The following TBC1D5 variants were observed in gnomAD, a reference collection of about 807,000 sequenced individuals.
TBC1D5 encodes TBC1 domain family, member 5.
Under a neutral mutation model 100.3 loss-of-function variants are expected in TBC1D5, and 75 were observed. That is an observed-to-expected ratio of 0.75 (90% CI 0.62 to 0.91). The LOEUF is 0.91. TBC1D5 is among the 40% of genes least tolerant of loss of function. The pLI, the probability that TBC1D5 is intolerant of heterozygous loss-of-function variation, is 0.00. For synonymous variants in TBC1D5, 323 were observed against 325.6 expected (o/e 0.99, Z 0.09); for missense variants, 910 against 942.4 (o/e 0.97, Z 0.45).
intron 16 of TBC1D5, among the ~76,000 whole-genome samples, chr3:17,253,432 A>AT (rs530828603): frequency 1.1e-4 from 17 of 152,218 alleles, no homozygotes; most frequent in Non-Finnish European, 1.9e-4. Context: ...AAACAGTAAC[A>AT]TTGTCTCCTA....
At chr3:17,663,189 TTA>T (rs1187461219) in intron 1 of TBC1D5, 4 of 152,148 alleles carry the variant, frequency 2.6e-5, no homozygotes, top group Non-Finnish European at 2.9e-5. Flanking sequence ...AATTAAAACT[TTA>T]TTAGGTATTT....
intron 1 of TBC1D5, among the ~76,000 whole-genome samples, chr3:17,685,768 G>C (rs2070181907): frequency 6.6e-6 from 1 of 151,920 alleles, no homozygotes. Context: ...GGACACTCAA[G>C]ACATTCTTAA....
At chr3:17,580,689 G>A (rs2096688399) in intron 2 of TBC1D5, among the ~76,000 whole-genome samples, 1 of 151,972 alleles carries the variant, frequency 6.6e-6, no homozygotes, top group South Asian at 2.1e-4. Flanking sequence ...TCCCCCTTAA[G>A]CTGCCACCTG....
At position 17,705,353 on chromosome 3, in the gene TBC1D5, C is replaced by A. The variant is rs1211821583; in HGVS notation, c.-101+33990G>T. 1.6e-5 allele frequency among the ~76,000 whole-genome samples: 2 copies of A among 124,624 alleles called. 1 individual carries two copies. Among genetic ancestry groups the A allele is most frequent in the Non-Finnish European group, 3.5e-5 (2 of 56,698 alleles). The allele number at this position is 124,624 out of a possible 152,430, so 81.8% of individuals were successfully genotyped here. A position where few individuals can be genotyped will look rare whatever the true frequency, so the allele number is the denominator to read the frequency against. ...CTGGCCGGGCTGGGGGCTGACCCCC[C>A]CCCACCTCCCTCCCGGACGGGGTGG... On this transcript the variant is annotated intron_variant, in intron 1 of 21. Transcript: ENST00000253692.
intron 2 of TBC1D5, among the ~76,000 whole-genome samples, chr3:17,568,543 A>C (rs2096607087): frequency 6.6e-6 from 1 of 151,556 alleles, no homozygotes; most frequent in Non-Finnish European, 1.5e-5. Flanking sequence ...ACAAATATAT[A>C]AGTTGATTAT....
intron 13 of TBC1D5, among the ~76,000 whole-genome samples, chr3:17,366,128 AAAAATACAAAAAATTAGC>A (rs1369304007): frequency 1.3e-5 from 2 of 152,074 alleles, no homozygotes; most frequent in African/African-American, 4.8e-5. Flanking sequence ...TGTCTTTACC[AAAAATACAAAAAATTAGC>A]TGGGCATGGT....
At chr3:17,314,024 T>C (rs1397715617) in intron 13 of TBC1D5, among the ~76,000 whole-genome samples, 2 of 152,178 alleles carry the variant, frequency 1.3e-5, no homozygotes, top group African/African-American at 4.8e-5. Flanking sequence ...CCTGACCCTG[T>C]CTTGCAGCTC....
intron 1 of TBC1D5, among the ~76,000 whole-genome samples, chr3:17,732,720 A>AAAATAAATAAGTAAATAAATAAATAAAT (rs1553936806): frequency 6.9e-6 from 1 of 144,812 alleles, no homozygotes; most frequent in South Asian, 2.2e-4. Context: ...CCGTCTCAAA[A>AAAATAAATAAGTAAATAAATAAATAAAT]AAATAAATAA....
intron 21 of TBC1D5, 75 bp downstream of exon 22, chr3:17,166,692 A>G (rs907926315): frequency 1.3e-6 from 2 of 1,540,112 alleles, no homozygotes; most frequent in Middle Eastern, 3.5e-4. Context: ...GGTAGGGTGT[A>G]TTCTTAACTT....
intron 1 of TBC1D5, among the ~76,000 whole-genome samples, chr3:17,721,458 CATGT>C (rs1577786096): frequency 9.6e-6 from 1 of 104,024 alleles, no homozygotes; most frequent in Non-Finnish European, 2.0e-5. Context: ...TGTGTGAGAG[CATGT>C]GTGTGTGTGT....
chr3:17,541,611 A>G (rs2096358146), intron 2 of TBC1D5, among the ~76,000 whole-genome samples: 1 of 152,152 alleles, frequency 6.6e-6, no homozygotes, highest in Non-Finnish European at 1.5e-5. Context: ...GGTTTTTTAG[A>G]TGTAAGACTA....
chr3:17,706,270 C>G, intron 1 of TBC1D5: 1 of 1,547,498 alleles, frequency 6.5e-7, no homozygotes, highest in Non-Finnish European at 8.7e-7. Context: ...ACATACTCAG[C>G]TCTAAAGAGT....
At chr3:17,710,336 G>C (rs1330284828) in intron 1 of TBC1D5, among the ~76,000 whole-genome samples, 1 of 152,022 alleles carries the variant, frequency 6.6e-6, no homozygotes, top group Non-Finnish European at 1.5e-5. Context: ...TGGCGGAGGT[G>C]GGTGGTTCAC....
chr3:17,568,231 T>A (rs1391770776), intron 2 of TBC1D5, among the ~76,000 whole-genome samples: 1 of 151,470 alleles, frequency 6.6e-6, no homozygotes, highest in Non-Finnish European at 1.5e-5. Flanking sequence ...ACTACCAATT[T>A]ATATTTAGTA....
intron 1 of TBC1D5, chr3:17,705,985 T>TC (rs1332338162): frequency 3.7e-6 from 5 of 1,365,530 alleles, no homozygotes; most frequent in Middle Eastern, 5.4e-4. Context: ...TCTTTACTCT[T>TC]TTTTTTTTTT....
intron 18 of TBC1D5, among the ~76,000 whole-genome samples, chr3:17,199,540 G>C (rs2071184865): frequency 6.6e-6 from 1 of 152,180 alleles, no homozygotes; most frequent in Non-Finnish European, 1.5e-5. Flanking sequence ...TGGTTGCTTA[G>C]AATCCAACTG....
chr3:17,598,305 T>C (rs2060707797), intron 2 of TBC1D5, among the ~76,000 whole-genome samples: 1 of 152,202 alleles, frequency 6.6e-6, no homozygotes. Context: ...AAGACAAGTA[T>C]ATTTTATATT....
chr3:17,181,601 C>T (rs1450252150), intron 19 of TBC1D5, among the ~76,000 whole-genome samples: 1 of 152,188 alleles, frequency 6.6e-6, no homozygotes, highest in African/African-American at 2.4e-5. Flanking sequence ...ATGAGGTTGT[C>T]TGTTTCTCAG....
intron 15 of TBC1D5, among the ~76,000 whole-genome samples, chr3:17,260,652 G>A (rs955622937): frequency 2.0e-5 from 3 of 152,150 alleles, no homozygotes; most frequent in Non-Finnish European, 4.4e-5. Flanking sequence ...TTTCTGTTGG[G>A]AAGACAGTGA....
Sources: gnomAD v4.1 joint callset for allele counts (sites outside exome capture counted in the v4.1 genomes callset) on GRCh38, gnomAD v4.1.1 for gene constraint, MANE v1.5 for transcripts, NCBI Gene and HGNC (gene_info 2026-07-23, HGNC 2026-07-21) for gene names.